Variants in SENP5 observed in about 807,000 individuals in gnomAD.
SENP5 encodes the protein sentrin-specific protease 5.
In SENP5, 21 loss-of-function variants were observed where a neutral mutation model predicts 74.2. The ratio of observed to expected loss-of-function variants is 0.28; its 90% CI spans 0.20 to 0.41. The LOEUF is 0.41. Among genes scored for constraint, SENP5 ranks in the 10% least tolerant of loss-of-function variants. The probability of loss-of-function intolerance (pLI) is 1.00; values close to 1 mark genes in which losing one functional copy is unlikely to be tolerated. For missense variants in SENP5, 717 were observed against 889.1 expected (o/e 0.81, Z 2.46); for synonymous variants, 311 against 312.7 (o/e 0.99, Z 0.06).
At chr3:196,894,344 A>G (rs1339918152) in intron 2 of SENP5, among the ~76,000 whole-genome samples, 2 of 151,802 alleles carry the variant, frequency 1.3e-5, no homozygotes, top group Non-Finnish European at 2.9e-5. Context: ...GCTTGTCTCA[A>G]ACTCCCAAAC....
intron 1 of SENP5, among the ~76,000 whole-genome samples, chr3:196,870,278 G>A (rs1404331278): frequency 6.6e-6 from 1 of 152,136 alleles, no homozygotes; most frequent in Non-Finnish European, 1.5e-5. Flanking sequence ...TGAAACCCTT[G>A]TGACTTTTTT....
intron 6 of SENP5, 42 bp downstream of exon 6, chr3:196,903,652 G>C: frequency 2.4e-6 from 3 of 1,250,054 alleles, no homozygotes; most frequent in Non-Finnish European, 3.4e-6. Flanking sequence ...TTGAAACGCA[G>C]ATGATAAACC....
At chr3:196,923,853 C>T (rs116470890) in intron 7 of SENP5, among the ~76,000 whole-genome samples, 3,048 of 152,260 alleles carry the variant, frequency 0.02, 77 homozygotes, top group African/African-American at 0.064. Flanking sequence ...TAAAATTGGC[C>T]TGTATCTGCA....
rs543098850 is a variant in SENP5, at chr3:196,888,357, C to T, written c.1513+1663C>T. On this transcript the variant is annotated intron_variant, in intron 2 of 9. Transcript: ENST00000323460. Reference sequence around the variant, plus strand: ...CAACACTTTGGGAGGCCGAGGTGGGCGGATCACCTGAGGTCAGGAGTTCAA... The same window carrying T: ...CAACACTTTGGGAGGCCGAGGTGGGTGGATCACCTGAGGTCAGGAGTTCAA... Among the ~76,000 whole-genome samples, 439 of 152,056 alleles carry T rather than the reference C, an allele frequency of 2.9e-3. 11 individuals are homozygous for T. The highest frequency in any genetic ancestry group is 6.2e-4 in the Non-Finnish European group (42 of 67,978).
At chr3:196,923,339 A>G (rs1174440582) in intron 6 of SENP5, 75 bp from the exon 7 acceptor site, 15 of 1,510,536 alleles carry the variant, frequency 9.9e-6, no homozygotes, top group Admixed American at 6.7e-5. Flanking sequence ...AAGGTCAGCA[A>G]ATGGAAGCTG....
At chr3:196,888,194 T>C (rs993046683) in intron 2 of SENP5, among the ~76,000 whole-genome samples, 1 of 152,176 alleles carries the variant, frequency 6.6e-6, no homozygotes, top group Non-Finnish European at 1.5e-5. Flanking sequence ...TGGAAGACAA[T>C]ATGATAGTAT....
At chr3:196,896,856 T>A (rs1714462562) in intron 2 of SENP5, among the ~76,000 whole-genome samples, 1 of 152,180 alleles carries the variant, frequency 6.6e-6, no homozygotes, top group Non-Finnish European at 1.5e-5. Context: ...AACTGTTGTT[T>A]TACTTCTGGT....
chr3:196,911,250 A>C (rs1001202741), intron 6 of SENP5, among the ~76,000 whole-genome samples: 1 of 152,206 alleles, frequency 6.6e-6, no homozygotes, highest in African/African-American at 2.4e-5. Flanking sequence ...TCAGCAAAAG[A>C]AACTATCATC....
rs951969049 is a variant in SENP5 at position 196,932,664 on chromosome 3, G to A, written c.*1741G>A. On this transcript the variant is annotated 3_prime_UTR_variant, in exon 10 of 10. Transcript: ENST00000323460. Reference sequence around the variant, plus strand: ...TTTAGGGTAAGGAAGATCTCATAATGAGTTTTTCAAACATAATTATGCAAA... The same window carrying A: ...TTTAGGGTAAGGAAGATCTCATAATAAGTTTTTCAAACATAATTATGCAAA... 1.3e-5 allele frequency: 2 copies of A among 150,068 alleles called. No individual in the cohort carries two copies. The highest frequency in any genetic ancestry group is 4.9e-5 in the African/African-American group (2 of 40,726). The allele number at this position is 150,068 out of a possible 1,614,324, so 9.3% of individuals were successfully genotyped here.
intron 1 of SENP5, among the ~76,000 whole-genome samples, chr3:196,872,011 A>G (rs575994157): frequency 2.0e-5 from 3 of 152,274 alleles, no homozygotes; most frequent in East Asian, 1.9e-4. Context: ...TGGCCTCCCA[A>G]AGTGCTGGGA....
At chr3:196,888,752 CTAGTTAGGAGGTTTATTTCTTGG>C (rs1714084734) in intron 2 of SENP5, among the ~76,000 whole-genome samples, 1 of 151,982 alleles carries the variant, frequency 6.6e-6, no homozygotes, top group Admixed American at 6.6e-5. Context: ...CTTTGGGGAG[CTAGTTAGGAGGTTTATTTCTTGG>C]TAGTTGAAAC....
chr3:196,869,341 T>C (rs1470275344), intron 1 of SENP5, among the ~76,000 whole-genome samples: 2 of 151,486 alleles, frequency 1.3e-5, no homozygotes, highest in East Asian at 4.0e-4. Context: ...GTAGCTGGGA[T>C]TACAGGTGCC....
At chr3:196,922,156 C>A (rs146773311) in intron 6 of SENP5, among the ~76,000 whole-genome samples, 1 of 152,190 alleles carries the variant, frequency 6.6e-6, no homozygotes, top group African/African-American at 2.4e-5. Context: ...TATTTGGCTA[C>A]TTATAATGTG....
rs546778555 is a variant in SENP5 at position 196,930,488 on chromosome 3, G to T, written c.2158-325G>T. ...CATGAAAATGCTGCCTTAGATCGGGGTCCCAAACCCCTGGGCCACGGACAG... is the reference window on the plus strand; with the variant it reads ...CATGAAAATGCTGCCTTAGATCGGGTTCCCAAACCCCTGGGCCACGGACAG... On this transcript the variant is annotated intron_variant, in intron 9 of 9. Coordinates refer to ENST00000323460, the MANE Select transcript of SENP5 (RefSeq NM_152699.5). 1.7e-4 allele frequency among the ~76,000 whole-genome samples: 26 copies of T among 152,294 alleles called. No homozygotes were observed. In the South Asian group the frequency reaches 3.7e-3, roughly 22 times the overall value.
intron 1 of SENP5, among the ~76,000 whole-genome samples, chr3:196,869,365 G>C (rs1713102685): frequency 6.6e-6 from 1 of 150,922 alleles, no homozygotes; most frequent in African/African-American, 2.4e-5. Flanking sequence ...CATCGCGCCC[G>C]GCTAATTTTT....
chr3:196,886,240 A>G lies in SENP5; in HGVS notation c.1059A>G (p.Thr353=), dbSNP rs146456923. 1.9e-4 allele frequency: 303 copies of G among 1,614,194 alleles called. 2 individuals are homozygous for G. In the East Asian group the frequency reaches 4.8e-3, roughly 26 times the overall value. ...AFPDQQNGSA[T]NAWDQSSCSS... ...CTGACCAACAGAATGGCAGTGCCACAAACGCCTGGGACCAGTCATCCTGTT... is the reference window on the plus strand; with the variant it reads ...CTGACCAACAGAATGGCAGTGCCACGAACGCCTGGGACCAGTCATCCTGTT... Residue 353 remains threonine, a synonymous_variant, in exon 2 of 10, where the codon ACA becomes ACG. Coordinates refer to ENST00000323460, the MANE Select transcript of SENP5 (RefSeq NM_152699.5).
Position 196,899,786 on chromosome 3 carries a change from C to G in SENP5, c.1619+15C>G, listed in dbSNP as rs750316385. On this transcript the variant is annotated intron_variant, in intron 3 of 9. Transcript: ENST00000323460. ...TTTTCTAATAGGTATATAAATGATGCTAAAGTTAAGCCCTTGAAAATAAAA... is the reference window on the plus strand; with the variant it reads ...TTTTCTAATAGGTATATAAATGATGGTAAAGTTAAGCCCTTGAAAATAAAA... The G allele has an allele frequency of 1.3e-6, 2 of 1,554,710 alleles. No individual in the cohort carries two copies. Among genetic ancestry groups the G allele is most frequent in the South Asian group, 1.1e-5 (1 of 88,516 alleles).
chr3:196,874,895 C>T (rs1713388769), intron 1 of SENP5, among the ~76,000 whole-genome samples: 1 of 152,054 alleles, frequency 6.6e-6, no homozygotes, highest in African/African-American at 2.4e-5. Flanking sequence ...CCTAGAGTTC[C>T]TTGGGCTATT....
chr3:196,908,978 C>T (rs546852590), intron 6 of SENP5, among the ~76,000 whole-genome samples: 1 of 152,126 alleles, frequency 6.6e-6, no homozygotes, highest in Admixed American at 6.5e-5. Context: ...AATCCAGGAG[C>T]TGGATTTTTT....
Sources: gnomAD v4.1 joint callset for allele counts (sites outside exome capture counted in the v4.1 genomes callset) on GRCh38, gnomAD v4.1.1 for gene constraint, MANE v1.5 for transcripts, NCBI Gene and HGNC (gene_info 2026-07-23, HGNC 2026-07-21) for gene names.